The following ADCY1 variants were observed in gnomAD, a reference collection of about 807,000 sequenced individuals.
ADCY1 encodes the protein adenylate cyclase type 1.
ADCY1 carries 28 observed loss-of-function variants against 105.4 expected under a neutral mutation model. The observed-to-expected ratio is 0.27, with a 90% CI of 0.20 to 0.36. The LOEUF is 0.36. ADCY1 is among the 10% of genes least tolerant of loss of function. The probability of loss-of-function intolerance (pLI) is 1.00; values close to 1 mark genes in which losing one functional copy is unlikely to be tolerated. For synonymous variants in ADCY1, 655 were observed against 623.8 expected (o/e 1.05, Z -0.75); for missense variants, 977 against 1,434.2 (o/e 0.68, Z 5.15).
intron 5 of ADCY1, among the ~76,000 whole-genome samples, chr7:45,654,015 G>A (rs74987974): frequency 6.6e-6 from 1 of 152,308 alleles, no homozygotes; most frequent in African/African-American, 2.4e-5. Context: ...CAGTAAAATG[G>A]AGAAACAGTG....
intron 19 of ADCY1, among the ~76,000 whole-genome samples, chr7:45,711,466 C>T (rs1015420623): frequency 4.6e-5 from 7 of 151,904 alleles, no homozygotes; most frequent in African/African-American, 1.7e-4. Flanking sequence ...CTTCTGCATT[C>T]TCTTTTTTAA....
rs78639552 is a variant in ADCY1, at chr7:45,645,684, G to A, written c.1021-2986G>A. 6.0e-3 allele frequency among the ~76,000 whole-genome samples: 920 copies of A among 152,220 alleles called. 5 individuals are homozygous for A. Among genetic ancestry groups the A allele is most frequent in the Admixed American group, 0.013 (198 of 15,298 alleles). On this transcript the variant is annotated intron_variant, in intron 4 of 19. Coordinates refer to ENST00000297323, the MANE Select transcript of ADCY1 (RefSeq NM_021116.4). ...GGAACACAGCTCAGAGCTGAGGTGG[G>A]GGCAGGGACACTAGCAGTTGCCCAC...
chr7:45,634,079 T>G (rs1794333985), intron 4 of ADCY1, among the ~76,000 whole-genome samples: 1 of 152,200 alleles, frequency 6.6e-6, no homozygotes, highest in Non-Finnish European at 1.5e-5. Flanking sequence ...ATTGAGTTTT[T>G]GTATTGATAA....
Position 45,660,035 on chromosome 7 carries a change from T to C in ADCY1, c.1308-7T>C. The C allele has an allele frequency of 1.9e-6, 3 of 1,613,820 alleles. No homozygotes were observed. The highest frequency in any genetic ancestry group is 2.5e-6 in the Non-Finnish European group (3 of 1,179,872). ...ACTCATCTGGCCTCTGCCTCCTCCT[T>C]TTGTAGGAAGGTTCATATCACAAAG... On this transcript the variant is annotated splice_polypyrimidine_tract_variant and splice_region_variant and intron_variant, in intron 6 of 19. Coordinates refer to ENST00000297323, the MANE Select transcript of ADCY1 (RefSeq NM_021116.4).
In ADCY1 at chr7:45,678,246, C is replaced by T. The variant is rs753382604; in HGVS notation, c.1881C>T (p.Tyr627=). Residue 627 remains tyrosine, a synonymous_variant, in exon 10 of 20, where the codon TAC becomes TAT. Coordinates refer to ENST00000297323, the MANE Select transcript of ADCY1 (RefSeq NM_021116.4). ...LILAALFGLV[Y]LLIFPQSVVV... is the part of the protein sequence containing the mutation. ...TGGCTGCCTTATTTGGCCTTGTCTA[C>T]CTTCTAATATTCCCACAGTGAGTAT... is the stretch of plus-strand genomic sequence containing the variant. 6.2e-7 allele frequency: 1 copy of T among 1,613,782 alleles called. No individual in the cohort carries two copies. Among genetic ancestry groups the T allele is most frequent in the East Asian group, 2.2e-5 (1 of 44,870 alleles).
chr7:45,590,598 C>T (rs73694815), intron 1 of ADCY1, among the ~76,000 whole-genome samples: 12,751 of 152,138 alleles, frequency 0.084, 586 homozygotes, highest in African/African-American at 0.12. Flanking sequence ...TGGAAAAAGC[C>T]GGATCTGAGT....
chr7:45,625,206 C>G (rs1261138248), intron 4 of ADCY1, among the ~76,000 whole-genome samples: 1 of 152,184 alleles, frequency 6.6e-6, no homozygotes, highest in Non-Finnish European at 1.5e-5. Context: ...GGCGGGGGCT[C>G]TGGGCCTGTT....
chr7:45,668,376 A>T (rs1298667883), intron 8 of ADCY1, among the ~76,000 whole-genome samples: 1 of 152,172 alleles, frequency 6.6e-6, no homozygotes, highest in African/African-American at 2.4e-5. Context: ...TTCTGCATCT[A>T]TTGAGATAAT....
At chr7:45,604,140 A>G (rs1303366462) in intron 2 of ADCY1, among the ~76,000 whole-genome samples, 1 of 152,242 alleles carries the variant, frequency 6.6e-6, no homozygotes, top group Non-Finnish European at 1.5e-5. Flanking sequence ...AAACTTTCCC[A>G]GAATGGTTGT....
chr7:45,685,192 A>G, intron 12 of ADCY1, 124 bp downstream of exon 12: 1 of 904,154 alleles, frequency 1.1e-6, no homozygotes. Flanking sequence ...AGTAACAGGC[A>G]TGGGGCCCCA....
chr7:45,641,537 G>A (rs1191874655), intron 4 of ADCY1, among the ~76,000 whole-genome samples: 2 of 151,946 alleles, frequency 1.3e-5, no homozygotes, highest in Admixed American at 6.6e-5. Context: ...TTTTGACCTG[G>A]CACCACCACG....
chr7:45,670,767 C>G (rs903821365), intron 8 of ADCY1, among the ~76,000 whole-genome samples: 2 of 152,136 alleles, frequency 1.3e-5, no homozygotes, highest in East Asian at 3.9e-4. Context: ...CAGTCCCTGA[C>G]CTGAGGGTAG....
At chr7:45,675,963 C>G (rs1398851418) in intron 8 of ADCY1, among the ~76,000 whole-genome samples, 1 of 151,938 alleles carries the variant, frequency 6.6e-6, no homozygotes, top group Non-Finnish European at 1.5e-5. Flanking sequence ...AGTCTTACAC[C>G]CTTTTTCTTC....
intron 2 of ADCY1, among the ~76,000 whole-genome samples, chr7:45,597,718 A>G (rs1191870825): frequency 6.6e-6 from 1 of 152,096 alleles, no homozygotes; most frequent in Admixed American, 6.5e-5. Flanking sequence ...CAACATTCTT[A>G]TGAGGGGAAA....
intron 5 of ADCY1, among the ~76,000 whole-genome samples, chr7:45,651,133 C>T (rs887757152): frequency 6.6e-6 from 1 of 151,904 alleles, no homozygotes; most frequent in Non-Finnish European, 1.5e-5. Flanking sequence ...AGAGTGTTCC[C>T]AGGGCCTCAG....
chr7:45,667,572 A>C (rs1312202647), intron 8 of ADCY1, among the ~76,000 whole-genome samples: 1 of 152,156 alleles, frequency 6.6e-6, no homozygotes, highest in African/African-American at 2.4e-5. Flanking sequence ...TGATGCCTCC[A>C]GCTTTGTTCT....
intron 3 of ADCY1, among the ~76,000 whole-genome samples, chr7:45,613,150 A>G (rs903845729): frequency 6.6e-6 from 1 of 152,266 alleles, no homozygotes; most frequent in Non-Finnish European, 1.5e-5. Context: ...TTTACCTGAT[A>G]GACAATTTAA....
chr7:45,664,123 A>G (rs1200455401), intron 8 of ADCY1, among the ~76,000 whole-genome samples: 2 of 152,162 alleles, frequency 1.3e-5, no homozygotes, highest in Non-Finnish European at 2.9e-5. Flanking sequence ...GAGGAACCTG[A>G]TCAGATAGGT....
intron 4 of ADCY1, among the ~76,000 whole-genome samples, chr7:45,642,737 C>T (rs1207267137): frequency 2.6e-5 from 4 of 152,274 alleles, no homozygotes; most frequent in Non-Finnish European, 5.9e-5. Flanking sequence ...CAGTGAGACC[C>T]GTCCATCAAT....
Sources: allele counts gnomAD v4.1 joint callset (sites outside exome capture counted in the v4.1 genomes callset), GRCh38; gene constraint gnomAD v4.1.1; transcripts MANE v1.5; gene names NCBI Gene and HGNC (gene_info 2026-07-23, HGNC 2026-07-21).